The following PIP5K1C variants were observed in gnomAD, a reference collection of about 807,000 sequenced individuals.
PIP5K1C encodes the protein phosphatidylinositol-4-phosphate 5-kinase type 1 gamma, also known as phosphatidylinositol 4-phosphate 5-kinase type-1 gamma.
PIP5K1C carries 45 observed loss-of-function variants against 80.1 expected under a neutral mutation model. That is an observed-to-expected ratio of 0.56 (90% CI 0.44 to 0.72). PIP5K1C has a LOEUF of 0.72. PIP5K1C is among the 30% of genes least tolerant of loss of function. The probability of loss-of-function intolerance (pLI) is 0.00; values close to 1 mark genes in which losing one functional copy is unlikely to be tolerated. For missense variants in PIP5K1C, 753 were observed against 954.6 expected (o/e 0.79, Z 2.78); for synonymous variants, 498 against 420.1 (o/e 1.19, Z -2.27).
rs542462 is a variant in PIP5K1C at position 3,633,194 on chromosome 19, A to G, written c.2005-25T>C. The stretch of plus-strand genomic sequence containing the variant: ...ACTGCAAGAGCAAGAGGACAGGTGA[A>G]GGTGGGCGGGGCGAGGGCCCACCCC... On this transcript the variant is annotated intron_variant, in intron 17 of 17. Coordinates refer to ENST00000335312, the MANE Select transcript of PIP5K1C (RefSeq NM_012398.3). The G allele has an allele frequency of 0.15, 114,952 of 760,796 alleles. 9,544 individuals are homozygous for G. Among genetic ancestry groups the G allele is most frequent in the East Asian group, 0.33 (13,079 of 40,146 alleles). The allele number at this position is 760,796 out of a possible 1,614,324, so 47.1% of individuals were successfully genotyped here.
At chr19:3,672,934 GGAT>G (rs1469177494) in intron 1 of PIP5K1C, among the ~76,000 whole-genome samples, 6 of 149,644 alleles carry the variant, frequency 4.0e-5, no homozygotes, top group Non-Finnish European at 8.9e-5. Context: ...GGAAGGCCCA[GGAT>G]GATGAAGCTG....
chr19:3,692,585 C>T lies in PIP5K1C; in HGVS notation c.94+7712G>A, dbSNP rs187605118. ...CACTGCTCATGGTCCCCACCTGGCC[C>T]AGCCCCAGCTTCGCCCACCTGGGCC... On this transcript the variant is annotated intron_variant, in intron 1 of 17. Coordinates refer to ENST00000335312, the MANE Select transcript of PIP5K1C (RefSeq NM_012398.3). This position sits in a 1 kb window ranked among gnomAD's most constrained non-coding sequence, Gnocchi z 5.2. 3.3e-5 allele frequency among the ~76,000 whole-genome samples: 5 copies of T among 152,262 alleles called. No homozygotes were observed. Among genetic ancestry groups the T allele is most frequent in the Middle Eastern group, 3.4e-3 (1 of 294 alleles).
At chr19:3,653,924 G>C (rs943944606) in intron 6 of PIP5K1C, among the ~76,000 whole-genome samples, 6 of 152,250 alleles carry the variant, frequency 3.9e-5, no homozygotes, top group African/African-American at 1.4e-4. Flanking sequence ...GAGGTCTGGA[G>C]GCCGGAAACG....
chr19:3,642,441 G>A (rs2034002915), intron 14 of PIP5K1C, among the ~76,000 whole-genome samples: 2 of 152,174 alleles, frequency 1.3e-5, no homozygotes, highest in African/African-American at 2.4e-5. Context: ...CCCGTCAGTC[G>A]AGTGACAACA....
rs2035856272 is a variant in PIP5K1C, at chr19:3,688,853, C to T, written c.94+11444G>A. On this transcript the variant is annotated intron_variant, in intron 1 of 17. Coordinates refer to ENST00000335312, the MANE Select transcript of PIP5K1C (RefSeq NM_012398.3). This position sits in a 1 kb window ranked among gnomAD's most constrained non-coding sequence, Gnocchi z 5.3. Reference sequence around the variant, plus strand: ...GGCCCCCCACCCCGTTTTTGAGCCCCCACACAGCCGAATACATGCCCCCGG... The same window carrying T: ...GGCCCCCCACCCCGTTTTTGAGCCCTCACACAGCCGAATACATGCCCCCGG... Among the ~76,000 whole-genome samples the T allele has an allele frequency of 6.6e-6, 1 of 152,146 alleles. No individual in the cohort carries two copies. Among genetic ancestry groups the T allele is most frequent in the African/African-American group, 2.4e-5 (1 of 41,436 alleles).
At chr19:3,638,383 C>T (rs1364078580) in intron 16 of PIP5K1C, among the ~76,000 whole-genome samples, 2 of 152,132 alleles carry the variant, frequency 1.3e-5, no homozygotes, top group Admixed American at 1.3e-4. Context: ...TGCCACTGCC[C>T]GGTCCCCCGG....
chr19:3,637,260 G>A lies in PIP5K1C; in HGVS notation c.1920+1624C>T. The A allele has an allele frequency of 1.4e-6, 2 of 1,462,388 alleles. No homozygotes were observed. The highest frequency in any genetic ancestry group is 1.8e-4 in the Middle Eastern group (1 of 5,526). The allele number at this position is 1,462,388 out of a possible 1,614,324, so 90.6% of individuals were successfully genotyped here. On this transcript the variant is annotated intron_variant, in intron 16 of 17. Transcript: ENST00000335312. This position sits in a 1 kb window ranked among gnomAD's most constrained non-coding sequence, Gnocchi z 7.0. ...CGCTGGGGTCTGGCCGGGGTCCGAAGCAGACCCTGGGCCTCAGCTGTGCAC... is the reference window on the plus strand; with the variant it reads ...CGCTGGGGTCTGGCCGGGGTCCGAAACAGACCCTGGGCCTCAGCTGTGCAC...
In PIP5K1C at chr19:3,638,963, C is replaced by T. The variant is rs143528771; in HGVS notation, c.1841G>A (p.Ser614Asn). 1 of 1,612,180 alleles carries T rather than the reference C, an allele frequency of 6.2e-7. No individual in the cohort carries two copies. The highest frequency in any genetic ancestry group is 8.5e-7 in the Non-Finnish European group (1 of 1,179,894). The stretch of plus-strand genomic sequence containing the variant: ...TGCGCCCTCCTCGTCTGAGGCCTGG[C>T]TGGCAGTTTCTACTTCAACAGCAGC... ...ASAAVEVETASQASDEEGAPA... is the reference protein window; with the variant it reads ...ASAAVEVETANQASDEEGAPA... Residue 614 changes from serine to asparagine, a missense_variant, in exon 16 of 18, where the codon AGC becomes AAC. Ser to Asn is a conservative substitution (Grantham distance 46). Coordinates refer to ENST00000335312, the MANE Select transcript of PIP5K1C (RefSeq NM_012398.3).
In PIP5K1C at chr19:3,661,309, C is replaced by T. The variant is rs58739622; in HGVS notation, c.351-226G>A. The stretch of plus-strand genomic sequence containing the variant: ...TAACAACGGGGCCCACAGTGTTGGC[C>T]AGGCACATGGCCGCCAAGAACAGGA... On this transcript the variant is annotated intron_variant, in intron 4 of 17. Coordinates refer to ENST00000335312, the MANE Select transcript of PIP5K1C (RefSeq NM_012398.3). Among the ~76,000 whole-genome samples, 1,513 of 110,062 alleles carry T rather than the reference C, an allele frequency of 0.014. 20 individuals are homozygous for T. The highest frequency in any genetic ancestry group is 0.043 in the African/African-American group (1,448 of 34,014). The allele number at this position is 110,062 out of a possible 152,430, so 72.2% of individuals were successfully genotyped here. A position where few individuals can be genotyped will look rare whatever the true frequency, so the allele number is the denominator to read the frequency against.
chr19:3,636,604 G>C, intron 16 of PIP5K1C: 5 of 985,610 alleles, frequency 5.1e-6, no homozygotes, highest in Non-Finnish European at 6.0e-6. Context: ...GACGATCTCC[G>C]GGGCACGGCT....
At position 3,637,596 on chromosome 19, in the gene PIP5K1C, G is replaced by T. The variant is rs2033751138; in HGVS notation, c.1920+1288C>A. Reference sequence around the variant, plus strand: ...GGCGATGGCGGGGAGAGTAAATCCAGTACCTCCCATCCGTGAACTGGACGG... The same window carrying T: ...GGCGATGGCGGGGAGAGTAAATCCATTACCTCCCATCCGTGAACTGGACGG... On this transcript the variant is annotated intron_variant, in intron 16 of 17. Transcript: ENST00000335312. This position sits in a 1 kb window ranked among gnomAD's most constrained non-coding sequence, Gnocchi z 7.0. 1 of 1,290,680 alleles carries T rather than the reference G, an allele frequency of 7.7e-7. No individual in the cohort carries two copies. Among genetic ancestry groups the T allele is most frequent in the Non-Finnish European group, 1.0e-6 (1 of 981,070 alleles). 80.0% of individuals were successfully genotyped at this position (1,290,680 alleles called of 1,614,324 possible).
In PIP5K1C at chr19:3,632,800, G is replaced by A. The variant is rs990977744; in HGVS notation, c.*367C>T. 5 of 250,398 alleles carry A rather than the reference G, an allele frequency of 2.0e-5. No homozygotes were observed. The highest frequency in any genetic ancestry group is 1.1e-4 in the African/African-American group (5 of 44,198). 15.5% of individuals were successfully genotyped at this position (250,398 alleles called of 1,614,324 possible). A position where few individuals can be genotyped will look rare whatever the true frequency, so the allele number is the denominator to read the frequency against. ...CCTCAGGACACAGGCAGGCACAGCA[G>A]AGAACCAAAGAGTGCAGTGGGCAGG... On this transcript the variant is annotated 3_prime_UTR_variant, in exon 18 of 18. Transcript: ENST00000335312.
intron 1 of PIP5K1C, among the ~76,000 whole-genome samples, chr19:3,695,716 A>C (rs1203115114): frequency 6.8e-6 from 1 of 148,052 alleles, no homozygotes; most frequent in Non-Finnish European, 1.5e-5. Context: ...GAGACACCAC[A>C]ATCCCACTGA....
intron 1 of PIP5K1C, among the ~76,000 whole-genome samples, chr19:3,694,954 G>A (rs2036056525): frequency 1.3e-5 from 2 of 152,270 alleles, no homozygotes; most frequent in Non-Finnish European, 2.9e-5. Flanking sequence ...GTAGCCCCAA[G>A]CATGGCCACT....
intron 14 of PIP5K1C, among the ~76,000 whole-genome samples, chr19:3,642,637 C>T (rs2034011284): frequency 6.6e-6 from 1 of 152,070 alleles, no homozygotes; most frequent in East Asian, 1.9e-4. Flanking sequence ...ACGATATTCC[C>T]TCTTGTATCT....
At chr19:3,635,488 G>T (rs1211224696) in intron 16 of PIP5K1C, among the ~76,000 whole-genome samples, 1 of 152,102 alleles carries the variant, frequency 6.6e-6, no homozygotes, top group Non-Finnish European at 1.5e-5. Flanking sequence ...TTCGAGACCA[G>T]CCTGGCCAAC....
Position 3,632,983 on chromosome 19 carries a change from GGGCCC to G in PIP5K1C, c.*179_*183del. 1.9e-6 allele frequency: 1 copy of G among 529,476 alleles called. No individual in the cohort carries two copies. The allele number at this position is 529,476 out of a possible 1,614,324, so 32.8% of individuals were successfully genotyped here. On this transcript the variant is annotated 3_prime_UTR_variant, in exon 18 of 18. Transcript: ENST00000335312. Reference sequence around the variant, plus strand: ...GGGCAGGCTGCCGACCGGGGTGCCGGGGCCCTGGGAGGCTTGTCGGGGAGGGGCCC... The same window carrying G: ...GGGCAGGCTGCCGACCGGGGTGCCGGTGGGAGGCTTGTCGGGGAGGGGCCC...
intron 1 of PIP5K1C, among the ~76,000 whole-genome samples, chr19:3,697,729 C>T (rs1205625487): frequency 6.6e-6 from 1 of 152,120 alleles, no homozygotes; most frequent in Admixed American, 6.5e-5. Context: ...TGGAGCTGAC[C>T]GTTCTGGGGC....
chr19:3,664,854 C>G lies in PIP5K1C; in HGVS notation c.187G>C (p.Val63Leu). 6.2e-7 allele frequency: 1 copy of G among 1,613,338 alleles called. No homozygotes were observed. Among genetic ancestry groups the G allele is most frequent in the East Asian group, 2.2e-5 (1 of 44,882 alleles). The change falls in exon 3 of 18, where the codon GTG becomes CTG. Residue 63 changes from valine (V) to leucine (L), a missense_variant. Val to Leu is a conservative substitution (Grantham distance 32, BLOSUM62 1). Coordinates refer to ENST00000335312, the MANE Select transcript of PIP5K1C (RefSeq NM_012398.3). ...TAGGTGGTTTCGCCGGATGCGTCCA[C>G]ACCTCGATGGCCCAACTTCTTCCCA... ...GHGKKLGHRG[V>L]DASGETTYKK... is the part of the protein sequence containing the mutation.
Sources: allele counts gnomAD v4.1 joint callset (sites outside exome capture counted in the v4.1 genomes callset), GRCh38; gene constraint gnomAD v4.1.1; non-coding constraint Gnocchi (gnomAD v3.1); transcripts MANE v1.5; gene names NCBI Gene and HGNC (gene_info 2026-07-23, HGNC 2026-07-21).